The following NELL2 variants were observed in gnomAD, a reference collection of about 807,000 sequenced individuals.
NELL2 encodes the protein protein kinase C-binding protein NELL2.
NELL2 carries 41 observed loss-of-function variants against 109.6 expected under a neutral mutation model. The observed-to-expected ratio is 0.37, with a 90% CI of 0.29 to 0.49. The LOEUF (loss-of-function observed/expected upper bound fraction) is 0.49. NELL2 is among the 20% of genes least tolerant of loss of function. The probability of loss-of-function intolerance (pLI) is 0.98; values close to 1 mark genes in which losing one functional copy is unlikely to be tolerated. For missense variants in NELL2, 900 were observed against 1,008.3 expected, an observed-to-expected ratio of 0.89 and a Z score of 1.45; for synonymous variants, 355 against 344.7, an observed-to-expected ratio of 1.03 and a Z score of -0.33.
At chr12:44,713,079 A>G (rs1235253879) in intron 10 of NELL2, among the ~76,000 whole-genome samples, 1 of 151,844 alleles carries the variant, frequency 6.6e-6, no homozygotes, top group African/African-American at 2.4e-5. Flanking sequence ...ATAATCTTAT[A>G]TAATAGCAAA....
intron 2 of NELL2, among the ~76,000 whole-genome samples, chr12:44,868,392 A>C (rs1270815963): frequency 6.6e-6 from 1 of 152,188 alleles, no homozygotes; most frequent in African/African-American, 2.4e-5. Flanking sequence ...TGCGACCCTT[A>C]TTAAAATTCC....
intron 11 of NELL2, among the ~76,000 whole-genome samples, chr12:44,706,668 A>G (rs1416695661): frequency 3.9e-5 from 6 of 152,216 alleles, no homozygotes. Context: ...ATAATATATT[A>G]TTCGTTAATA....
chr12:44,644,563 A>G (rs1177324972), intron 13 of NELL2, among the ~76,000 whole-genome samples: 1 of 138,128 alleles, frequency 7.2e-6, no homozygotes, highest in African/African-American at 2.7e-5. Context: ...AAGACATCCT[A>G]TACCAGACAA....
intron 9 of NELL2, among the ~76,000 whole-genome samples, chr12:44,715,594 G>A (rs997720031): frequency 6.6e-6 from 1 of 151,916 alleles, no homozygotes; most frequent in African/African-American, 2.4e-5. Context: ...CTCCTTGTAA[G>A]ATGCTGAACT....
intron 15 of NELL2, among the ~76,000 whole-genome samples, chr12:44,603,749 T>C (rs944286973): frequency 6.6e-6 from 1 of 152,150 alleles, no homozygotes; most frequent in Non-Finnish European, 1.5e-5. Flanking sequence ...AATGCAACCA[T>C]TCCTACTAAG....
At chr12:44,799,338 C>T (rs1442449798) in intron 3 of NELL2, among the ~76,000 whole-genome samples, 1 of 152,032 alleles carries the variant, frequency 6.6e-6, no homozygotes, top group East Asian at 1.9e-4. Context: ...AAACTCAAGG[C>T]ATCAGTTTGG....
chr12:44,665,986 A>G (rs1243519727), intron 12 of NELL2, among the ~76,000 whole-genome samples: 2 of 152,200 alleles, frequency 1.3e-5, no homozygotes, highest in Non-Finnish European at 2.9e-5. Flanking sequence ...TTCACCAGCT[A>G]TTCTGTACAG....
intron 2 of NELL2, among the ~76,000 whole-genome samples, chr12:44,855,090 T>C (rs1171495902): frequency 6.6e-6 from 1 of 152,222 alleles, no homozygotes; most frequent in Non-Finnish European, 1.5e-5. Flanking sequence ...TTATATTTTA[T>C]ACTAAGTCTT....
chr12:44,531,335 C>A (rs1349647042), intron 16 of NELL2, among the ~76,000 whole-genome samples: 9 of 152,270 alleles, frequency 5.9e-5, no homozygotes, highest in African/African-American at 2.2e-4. Context: ...AACAAAGTAG[C>A]TTATCAGGGA....
At chr12:44,770,434 G>C (rs1225731638) in intron 9 of NELL2, among the ~76,000 whole-genome samples, 5 of 152,174 alleles carry the variant, frequency 3.3e-5, no homozygotes, top group Non-Finnish European at 5.9e-5. Context: ...TGTGGAGTCA[G>C]AATTCAGACC....
At chr12:44,672,609 T>A (rs1948178606) in intron 12 of NELL2, among the ~76,000 whole-genome samples, 1 of 152,178 alleles carries the variant, frequency 6.6e-6, no homozygotes, top group South Asian at 2.1e-4. Flanking sequence ...GTGAAATACC[T>A]CAGATATCTC....
chr12:44,675,320 A>C (rs1399256787), intron 12 of NELL2, among the ~76,000 whole-genome samples: 1 of 152,144 alleles, frequency 6.6e-6, no homozygotes, highest in Non-Finnish European at 1.5e-5. Flanking sequence ...TACTAGCCAC[A>C]AAACTTTGCA....
chr12:44,896,378 C>T (rs1945592822), intron 1 of NELL2, among the ~76,000 whole-genome samples: 1 of 152,134 alleles, frequency 6.6e-6, no homozygotes, highest in Non-Finnish European at 1.5e-5. Context: ...TCTAACATCT[C>T]CAACTATTAG....
chr12:44,753,155 C>T (rs943872237), intron 9 of NELL2, among the ~76,000 whole-genome samples: 2 of 152,138 alleles, frequency 1.3e-5, no homozygotes, highest in African/African-American at 2.4e-5. Context: ...GTTCAAATGT[C>T]GCCTCCTCAA....
At chr12:44,695,697 A>T (rs141443402) in intron 12 of NELL2, among the ~76,000 whole-genome samples, 1 of 152,340 alleles carries the variant, frequency 6.6e-6, no homozygotes, top group South Asian at 2.1e-4. Flanking sequence ...ATTTTGAAGG[A>T]GTCAAAATAG....
intron 15 of NELL2, among the ~76,000 whole-genome samples, chr12:44,539,985 C>T (rs749617697): frequency 1.3e-5 from 2 of 152,164 alleles, no homozygotes; most frequent in Admixed American, 1.3e-4. Flanking sequence ...TACACTAAGA[C>T]AAAAATAACA....
Position 44,521,523 on chromosome 12 carries a change from C to T in NELL2, c.2175+477G>A. ...CCAGCCTGGGCGACAGAGCGAGACT[C>T]CGTCTCAAAAAAAAAAAAAGAAGGT... On this transcript the variant is annotated intron_variant, in intron 18 of 19. Transcript: ENST00000429094. 2.4e-5 allele frequency among the ~76,000 whole-genome samples: 3 copies of T among 124,102 alleles called. No homozygotes were observed. The East Asian group carries it at 6.3e-4, about 26-fold the overall frequency. The allele number at this position is 124,102 out of a possible 152,430, so 81.4% of individuals were successfully genotyped here.
In NELL2 at chr12:44,602,913, G is replaced by A. The variant is rs115338671; in HGVS notation, c.1663+4256C>T. On this transcript the variant is annotated intron_variant, in intron 15 of 19. Coordinates refer to ENST00000429094, the MANE Select transcript of NELL2 (RefSeq NM_001145108.2). ...TAAATGCTAACTTTGGATATAACTA[G>A]CAAGATAACTTTTTTCTAACAAAAA... 5.6e-3 allele frequency among the ~76,000 whole-genome samples: 853 copies of A among 152,102 alleles called. 8 individuals carry two copies. Among genetic ancestry groups the A allele is most frequent in the African/African-American group, 0.02 (829 of 41,508 alleles).
intron 9 of NELL2, among the ~76,000 whole-genome samples, chr12:44,752,504 A>T (rs138132969): frequency 2.5e-3 from 382 of 152,256 alleles, no homozygotes; most frequent in African/African-American, 8.7e-3. Flanking sequence ...GACAGACTGA[A>T]CTCCAATCCA....
Sources: gnomAD v4.1 joint callset for allele counts (sites outside exome capture counted in the v4.1 genomes callset) on GRCh38, gnomAD v4.1.1 for gene constraint, MANE v1.5 for transcripts, NCBI Gene and HGNC (gene_info 2026-07-23, HGNC 2026-07-21) for gene names.